The following PAX5 variants were observed in gnomAD, a reference collection of about 807,000 sequenced individuals.
PAX5 encodes paired box 5.
PAX5 carries 9 observed loss-of-function variants against 43.7 expected under a neutral mutation model. The observed-to-expected ratio is 0.21, with a 90% CI of 0.12 to 0.36. The LOEUF (loss-of-function observed/expected upper bound fraction) is 0.36. Ranked by LOEUF, PAX5 falls within the 10% of genes least tolerant of loss-of-function variation. The probability of loss-of-function intolerance (pLI) is 1.00; values close to 1 mark genes in which losing one functional copy is unlikely to be tolerated. For synonymous variants in PAX5, 228 were observed against 214.3 expected (o/e 1.06, Z -0.56); for missense variants, 383 against 532.7 (o/e 0.72, Z 2.77).
At chr9:36,928,794 C>G (rs1030526720) in intron 6 of PAX5, among the ~76,000 whole-genome samples, 1 of 152,016 alleles carries the variant, frequency 6.6e-6, no homozygotes, top group South Asian at 2.1e-4. Flanking sequence ...AACACTTTTA[C>G]GAGGCAAAAA....
At chr9:36,923,036 A>G in intron 7 of PAX5, 1 of 294,162 alleles carries the variant, frequency 3.4e-6, no homozygotes, top group Non-Finnish European at 6.3e-6. Context: ...AAAGAAATAA[A>G]CCCTAGGCCT....
chr9:37,016,002 C>G (rs1369252561), intron 2 of PAX5, among the ~76,000 whole-genome samples: 3 of 152,246 alleles, frequency 2.0e-5, no homozygotes, highest in Non-Finnish European at 4.4e-5. Flanking sequence ...TTATCTCCAA[C>G]AGTTCTAAAG....
intron 3 of PAX5, among the ~76,000 whole-genome samples, chr9:37,012,110 G>A (rs1838981342): frequency 6.6e-6 from 1 of 152,156 alleles, no homozygotes. Context: ...TCCCAAAAAG[G>A]AGCCCCCAGT....
At chr9:37,028,423 C>A (rs2132551155) in intron 1 of PAX5, among the ~76,000 whole-genome samples, 1 of 152,336 alleles carries the variant, frequency 6.6e-6, no homozygotes, top group East Asian at 1.9e-4. Context: ...GCTGCATTAA[C>A]GAAAGGCAGA....
chr9:36,842,287 A>G (rs1822132418), intron 9 of PAX5, among the ~76,000 whole-genome samples: 1 of 152,210 alleles, frequency 6.6e-6, no homozygotes, highest in African/African-American at 2.4e-5. Context: ...CCCTGCCTGC[A>G]GGTGAGCCCA....
chr9:36,907,058 A>G (rs1199895434), intron 7 of PAX5, among the ~76,000 whole-genome samples: 1 of 152,148 alleles, frequency 6.6e-6, no homozygotes, highest in Non-Finnish European at 1.5e-5. Context: ...CAGTGAGCGG[A>G]AAAGGGCTCT....
intron 5 of PAX5, among the ~76,000 whole-genome samples, chr9:36,983,054 C>T (rs1346878414): frequency 6.6e-6 from 1 of 152,168 alleles, no homozygotes; most frequent in Non-Finnish European, 1.5e-5. Context: ...CTGCATCTCA[C>T]ACATCTTTGG....
chr9:36,912,620 G>A (rs1829390966), intron 7 of PAX5, among the ~76,000 whole-genome samples: 1 of 152,164 alleles, frequency 6.6e-6, no homozygotes, highest in Non-Finnish European at 1.5e-5. Context: ...ATGTGGCCTT[G>A]AGCAGGTCAC....
rs1740079641 is a variant in PAX5, at chr9:36,952,194, A to G, written c.780+14355T>C. On this transcript the variant is annotated intron_variant, in intron 6 of 9. Transcript: ENST00000358127. ...TATCCTTCTTGTAGGCAACATATGG[A>G]TGAGTCCTTCTGTTTTTTTAATATG... Among the ~76,000 whole-genome samples the G allele has an allele frequency of 2.2e-5, 3 of 135,320 alleles. No individual in the cohort carries two copies. In the South Asian group the frequency reaches 7.7e-4, roughly 35 times the overall value. The allele number at this position is 135,320 out of a possible 152,430, so 88.8% of individuals were successfully genotyped here.
At chr9:37,031,977 G>A (rs1385865052) in intron 1 of PAX5, among the ~76,000 whole-genome samples, 1 of 152,236 alleles carries the variant, frequency 6.6e-6, no homozygotes. Context: ...AGCTTGGACA[G>A]CTTCTCAGCT....
At chr9:37,002,552 G>T in intron 5 of PAX5, 96 bp downstream of exon 5, 2 of 1,326,028 alleles carry the variant, frequency 1.5e-6, no homozygotes, top group Non-Finnish European at 2.1e-6. Flanking sequence ...AGGTAAGGGG[G>T]GTGTTCGCGG....
At chr9:36,873,480 AGAGTCAG>A (rs1210091159) in intron 8 of PAX5, among the ~76,000 whole-genome samples, 3 of 152,224 alleles carry the variant, frequency 2.0e-5, no homozygotes, top group Non-Finnish European at 4.4e-5. Context: ...AGGGCAGCAA[AGAGTCAG>A]GAACGAGCAA....
intron 8 of PAX5, among the ~76,000 whole-genome samples, chr9:36,881,222 A>C (rs557553114): frequency 2.8e-4 from 42 of 152,318 alleles, no homozygotes; most frequent in Middle Eastern, 3.4e-3. Context: ...AAATTAAATA[A>C]ATAAAAACTT....
intron 3 of PAX5, among the ~76,000 whole-genome samples, chr9:37,009,692 G>T (rs556706211): frequency 6.6e-6 from 1 of 152,208 alleles, no homozygotes; most frequent in South Asian, 2.1e-4. Flanking sequence ...TAATTGGGTT[G>T]TTTGTAACAC....
intron 5 of PAX5, among the ~76,000 whole-genome samples, chr9:36,993,174 C>T (rs1385929305): frequency 6.6e-6 from 1 of 152,204 alleles, no homozygotes; most frequent in Non-Finnish European, 1.5e-5. Flanking sequence ...TCTATTAAGC[C>T]AGACACTAAA....
chr9:36,843,641 G>C (rs1010098450), intron 9 of PAX5, among the ~76,000 whole-genome samples: 3 of 152,222 alleles, frequency 2.0e-5, no homozygotes, highest in Non-Finnish European at 2.9e-5. Context: ...TCTGCAGTAG[G>C]AGGCCTGCTT....
intron 2 of PAX5, among the ~76,000 whole-genome samples, chr9:37,017,366 G>C (rs185031924): frequency 3.9e-5 from 6 of 152,316 alleles, no homozygotes; most frequent in African/African-American, 1.4e-4. Context: ...TTTCAAACCT[G>C]ACTCTAAATT....
chr9:37,029,270 T>G (rs1245957240), intron 1 of PAX5, among the ~76,000 whole-genome samples: 1 of 152,190 alleles, frequency 6.6e-6, no homozygotes, highest in Non-Finnish European at 1.5e-5. Flanking sequence ...TCTCTACGCA[T>G]GCTCTACTTC....
At chr9:37,003,101 C>T (rs1372946844) in intron 4 of PAX5, among the ~76,000 whole-genome samples, 3 of 138,376 alleles carry the variant, frequency 2.2e-5, no homozygotes, top group Non-Finnish European at 3.0e-5. Flanking sequence ...ATGCAGGAAG[C>T]AGGGGATGGA....
Sources: allele counts gnomAD v4.1 joint callset (sites outside exome capture counted in the v4.1 genomes callset), GRCh38; gene constraint gnomAD v4.1.1; transcripts MANE v1.5; gene names NCBI Gene and HGNC (gene_info 2026-07-23, HGNC 2026-07-21).